Variants in STPG2 observed in about 807,000 individuals in gnomAD.
STPG2 encodes sperm-tail PG-rich repeat-containing protein 2.
STPG2 carries 56 observed loss-of-function variants against 54.2 expected under a neutral mutation model. The ratio of observed to expected loss-of-function variants is 1.03; its 90% CI spans 0.83 to 1.29. The LOEUF (loss-of-function observed/expected upper bound fraction) is 1.29, where lower values mean the gene tolerates loss of function less well. STPG2 is among the 50% of genes most tolerant of loss of function. STPG2 has a pLI of 0.00. For missense variants in STPG2, 596 were observed against 544.9 expected (o/e 1.09, Z -0.93); for synonymous variants, 200 against 181.8 (o/e 1.10, Z -0.81).
intron 6 of STPG2, among the ~76,000 whole-genome samples, chr4:97,976,182 A>C (rs2041938558): frequency 6.6e-6 from 1 of 152,214 alleles, no homozygotes; most frequent in South Asian, 2.1e-4. Context: ...GCCAACTCTC[A>C]GAAAACCTAA....
intron 9 of STPG2, among the ~76,000 whole-genome samples, chr4:97,795,022 T>C (rs759590505): frequency 3.3e-4 from 50 of 152,296 alleles, no homozygotes; most frequent in Non-Finnish European, 1.9e-4. Flanking sequence ...ACTATAATAA[T>C]GACAATCTTC....
chr4:97,643,256 A>C lies in STPG2; in HGVS notation c.1320+69443T>G, dbSNP rs190482572. 5.4e-3 allele frequency among the ~76,000 whole-genome samples: 824 copies of C among 151,708 alleles called. 4 individuals are homozygous for C. The highest frequency in any genetic ancestry group is 9.4e-3 in the Non-Finnish European group (636 of 67,584). On this transcript the variant is annotated intron_variant, in intron 10 of 10. Coordinates refer to ENST00000295268, the MANE Select transcript of STPG2 (RefSeq NM_174952.3). Reference sequence around the variant, plus strand: ...AACAACCTTTTAAAGATATTGCCAAAATTATCTCCATTTTCTAACAGGCTA... The same window carrying C: ...AACAACCTTTTAAAGATATTGCCAACATTATCTCCATTTTCTAACAGGCTA...
At chr4:97,831,424 A>C (rs1185901729) in intron 9 of STPG2, among the ~76,000 whole-genome samples, 1 of 152,186 alleles carries the variant, frequency 6.6e-6, no homozygotes, top group Non-Finnish European at 1.5e-5. Flanking sequence ...AAAGTAGGAA[A>C]GATCTAAAAT....
At chr4:97,876,802 T>C (rs1327465161) in intron 8 of STPG2, among the ~76,000 whole-genome samples, 4 of 152,072 alleles carry the variant, frequency 2.6e-5, no homozygotes, top group Non-Finnish European at 5.9e-5. Context: ...ATGAGAATTT[T>C]GAATATATTT....
At chr4:98,108,181 A>C (rs1187316948) in intron 4 of STPG2, among the ~76,000 whole-genome samples, 2 of 152,122 alleles carry the variant, frequency 1.3e-5, no homozygotes, top group Non-Finnish European at 1.5e-5. Flanking sequence ...GTAGCAGGGG[A>C]GTCCAAGCAA....
chr4:97,704,590 G>C (rs1181924207), intron 10 of STPG2, among the ~76,000 whole-genome samples: 1 of 152,184 alleles, frequency 6.6e-6, no homozygotes, highest in African/African-American at 2.4e-5. Flanking sequence ...GACCTTTTTA[G>C]AATGGCAAAT....
At chr4:97,824,559 C>A (rs1300581541) in intron 9 of STPG2, among the ~76,000 whole-genome samples, 5 of 152,100 alleles carry the variant, frequency 3.3e-5, no homozygotes, top group Non-Finnish European at 4.4e-5. Flanking sequence ...GCCCCATAAG[C>A]CCTCTGTTCA....
At chr4:97,919,240 C>A (rs1178654790) in intron 8 of STPG2, among the ~76,000 whole-genome samples, 2 of 150,254 alleles carry the variant, frequency 1.3e-5, no homozygotes, top group East Asian at 3.9e-4. Context: ...TATACATAAT[C>A]AAAAAGAAAA....
intron 5 of STPG2, among the ~76,000 whole-genome samples, chr4:98,017,258 T>A (rs552214972): frequency 3.9e-5 from 6 of 152,342 alleles, no homozygotes; most frequent in African/African-American, 1.4e-4. Context: ...TAGCCATCAC[T>A]GCTACAGACA....
In STPG2 at chr4:97,846,642, A is replaced by C. The variant is rs932357352; in HGVS notation, c.1045-5710T>G. ...CCACCTCAAAAAAAAAAAAAAAAAA[A>C]AAAACACAGGAAGGCAACATGGAGG... On this transcript the variant is annotated intron_variant, in intron 8 of 10. Transcript: ENST00000295268. Among the ~76,000 whole-genome samples, 462 of 151,448 alleles carry C rather than the reference A, an allele frequency of 3.1e-3. 3 individuals carry two copies. Among genetic ancestry groups the C allele is most frequent in the African/African-American group, 0.011 (437 of 41,312 alleles).
At chr4:97,906,819 C>T (rs1393673523) in intron 8 of STPG2, among the ~76,000 whole-genome samples, 3 of 152,132 alleles carry the variant, frequency 2.0e-5, no homozygotes, top group Admixed American at 6.5e-5. Context: ...TTCAACACCC[C>T]GTCAAACTAA....
chr4:97,637,521 G>C (rs932866024), intron 10 of STPG2, among the ~76,000 whole-genome samples: 1 of 152,092 alleles, frequency 6.6e-6, no homozygotes, highest in African/African-American at 2.4e-5. Context: ...GGAAATAAAG[G>C]GTATTCAATT....
Position 97,938,586 on chromosome 4 carries a change from G to A in STPG2, c.1044+5311C>T, listed in dbSNP as rs1053858400. Among the ~76,000 whole-genome samples the A allele has an allele frequency of 2.0e-5, 3 of 152,172 alleles. No homozygotes were observed. The East Asian group carries it at 5.8e-4, about 29-fold the overall frequency. On this transcript the variant is annotated intron_variant, in intron 8 of 10. Transcript: ENST00000295268. ...CTCTGTGGTTGTGACCTAAGGCCCT[G>A]GTGGTGTGGGCTCACAAGTGGGATC... is the stretch of plus-strand genomic sequence containing the variant.
chr4:97,861,725 C>T (rs955542607), intron 8 of STPG2, among the ~76,000 whole-genome samples: 6 of 152,264 alleles, frequency 3.9e-5, no homozygotes, highest in East Asian at 3.9e-4. Flanking sequence ...GCTGCTCTCT[C>T]GGCAGAAACT....
chr4:98,019,261 T>C (rs1213367426), intron 5 of STPG2, among the ~76,000 whole-genome samples: 2 of 152,218 alleles, frequency 1.3e-5, no homozygotes. Context: ...CAGCACCATT[T>C]ATTAAATAGG....
intron 10 of STPG2, among the ~76,000 whole-genome samples, chr4:97,686,843 A>AT (rs1438561706): frequency 5.9e-5 from 9 of 151,922 alleles, no homozygotes; most frequent in African/African-American, 2.2e-4. Context: ...TAAAATTATT[A>AT]TTTTTTATAA....
At chr4:97,989,693 A>T (rs891116696) in intron 5 of STPG2, among the ~76,000 whole-genome samples, 3 of 152,160 alleles carry the variant, frequency 2.0e-5, no homozygotes, top group Admixed American at 2.0e-4. Context: ...TGCTAGCATC[A>T]CTATTCTTGC....
At chr4:97,851,118 A>T (rs1729146704) in intron 8 of STPG2, among the ~76,000 whole-genome samples, 1 of 152,102 alleles carries the variant, frequency 6.6e-6, no homozygotes, top group Admixed American at 6.6e-5. Flanking sequence ...CACAGCTCTT[A>T]AGTTTGTAGC....
At chr4:97,821,252 T>C (rs1728082125) in intron 9 of STPG2, among the ~76,000 whole-genome samples, 1 of 152,004 alleles carries the variant, frequency 6.6e-6, no homozygotes, top group Non-Finnish European at 1.5e-5. Flanking sequence ...AGCAGGACAG[T>C]CATAAAATCT....
Sources: allele counts gnomAD v4.1 joint callset (sites outside exome capture counted in the v4.1 genomes callset), GRCh38; gene constraint gnomAD v4.1.1; transcripts MANE v1.5; gene names NCBI Gene and HGNC (gene_info 2026-07-23, HGNC 2026-07-21).